The following ALPK2 variants were observed in gnomAD, a reference collection of about 807,000 sequenced individuals.
ALPK2 encodes alpha kinase 2.
Under a neutral mutation model 163.1 loss-of-function variants are expected in ALPK2, and 127 were observed. The ratio of observed to expected loss-of-function variants is 0.78; its 90% CI spans 0.67 to 0.90. ALPK2 has a LOEUF of 0.90. ALPK2 is among the 40% of genes least tolerant of loss of function. ALPK2 has a pLI of 0.00. For synonymous variants in ALPK2, 953 were observed against 959.1 expected, an observed-to-expected ratio of 0.99 and a Z score of 0.12; for missense variants, 2,360 against 2,589.6, an observed-to-expected ratio of 0.91 and a Z score of 1.92.
Position 58,602,709 on chromosome 18 carries a change from G to A in ALPK2, c.227+4613C>T, listed in dbSNP as rs1602236390. On this transcript the variant is annotated intron_variant, in intron 3 of 12. Coordinates refer to ENST00000361673, the MANE Select transcript of ALPK2 (RefSeq NM_052947.4). ...GGGTAAACTAAGGCTGAGACCTACTGGGCTGCATTCCCAGGAGGTTAGGCA... is the reference window on the plus strand; with the variant it reads ...GGGTAAACTAAGGCTGAGACCTACTAGGCTGCATTCCCAGGAGGTTAGGCA... 5.9e-5 allele frequency among the ~76,000 whole-genome samples: 9 copies of A among 152,312 alleles called. No homozygotes were observed. The South Asian group carries it at 1.9e-3, about 32-fold the overall frequency.
At chr18:58,521,211 C>T (rs1248776419) in intron 8 of ALPK2, among the ~76,000 whole-genome samples, 2 of 152,140 alleles carry the variant, frequency 1.3e-5, no homozygotes, top group African/African-American at 2.4e-5. Flanking sequence ...TGGGCTATAG[C>T]GGTGGTACCA....
chr18:58,515,140 C>A, intron 9 of ALPK2, 59 bp from the exon 10 acceptor site: 1 of 1,274,532 alleles, frequency 7.8e-7, no homozygotes, highest in South Asian at 1.3e-5. Context: ...GACAGTATTG[C>A]CCAGTAAGAC....
chr18:58,621,360 C>T (rs1381101348), intron 1 of ALPK2, among the ~76,000 whole-genome samples: 2 of 151,620 alleles, frequency 1.3e-5, no homozygotes, highest in African/African-American at 4.8e-5. Context: ...CTGCAAGCTC[C>T]GCCTCCCAGG....
chr18:58,524,438 A>T (rs1192714985), intron 6 of ALPK2, among the ~76,000 whole-genome samples: 1 of 152,160 alleles, frequency 6.6e-6, no homozygotes, highest in African/African-American at 2.4e-5. Flanking sequence ...ACTTATACAG[A>T]TACAATAAGG....
Position 58,579,336 on chromosome 18 carries a change from G to A in ALPK2, c.1440C>T (p.Ala480=), listed in dbSNP as rs2051941839. The stretch of plus-strand genomic sequence containing the variant: ...CATCCATGTTGAGCAGATTGTCACT[G>A]GCAAATTCCTCTCTTGCTTGGTGGC... ...RDSHQAREEF[A]SDNLLNMDES... Residue 480 remains alanine, a synonymous_variant, in exon 4 of 13, where the codon GCC becomes GCT. Transcript: ENST00000361673. 6.2e-7 allele frequency: 1 copy of A among 1,614,130 alleles called. No individual in the cohort carries two copies. Among genetic ancestry groups the A allele is most frequent in the African/African-American group, 1.3e-5 (1 of 75,022 alleles).
chr18:58,516,916 C>T lies in ALPK2; in HGVS notation c.5932G>A (p.Ala1978Thr), dbSNP rs146618330. ...TGGGCAGATGGACCCACCTGGGCAG[C>T]GAGTTTGTAGTTCCTTTGGATGAGC... ...DELIQRNYKL[A>T]AQECYVQNTA... The change falls in exon 9 of 13, where the codon GCT becomes ACT. Residue 1978 changes from alanine to threonine, a missense_variant. Transcript: ENST00000361673. 2.6e-4 allele frequency: 415 copies of T among 1,612,858 alleles called. No individual in the cohort carries two copies. Among genetic ancestry groups the T allele is most frequent in the East Asian group, 2.1e-3 (93 of 44,814 alleles).
At chr18:58,594,507 A>G (rs2052031638) in intron 3 of ALPK2, among the ~76,000 whole-genome samples, 1 of 152,188 alleles carries the variant, frequency 6.6e-6, no homozygotes, top group South Asian at 2.1e-4. Context: ...TGAAAGGCCC[A>G]TCATCTTGGG....
intron 4 of ALPK2, among the ~76,000 whole-genome samples, chr18:58,574,219 C>T (rs1352394005): frequency 3.3e-5 from 5 of 150,892 alleles, no homozygotes; most frequent in East Asian, 1.9e-4. Context: ...TGAGGCGGGG[C>T]GGATCACAAG....
chr18:58,621,148 G>A (rs1251689336), intron 1 of ALPK2, among the ~76,000 whole-genome samples: 5 of 145,248 alleles, frequency 3.4e-5, no homozygotes, highest in Non-Finnish European at 7.5e-5. Flanking sequence ...GCAAGGCCCT[G>A]TCTCAAAACA....
rs1165267444 is a variant in ALPK2 at position 58,591,801 on chromosome 18, AC to A, written c.228-11254del. Among the ~76,000 whole-genome samples the A allele has an allele frequency of 2.6e-5, 4 of 152,342 alleles. No individual in the cohort carries two copies. In the East Asian group the frequency reaches 7.7e-4, roughly 29 times the overall value. On this transcript the variant is annotated intron_variant, in intron 3 of 12. Transcript: ENST00000361673. Reference sequence around the variant, plus strand: ...AGTAACTGCGTTGTTCACTGTTTAAACAGGACACTTCAGAGAATGAAAAGGG... The same window carrying A: ...AGTAACTGCGTTGTTCACTGTTTAAAAGGACACTTCAGAGAATGAAAAGGG...
chr18:58,512,046 G>C (rs1164217985), intron 10 of ALPK2: 1 of 152,276 alleles, frequency 6.6e-6, no homozygotes, highest in East Asian at 1.9e-4. Flanking sequence ...CATTAGGACA[G>C]TGGACCTTTC....
intron 12 of ALPK2, 149 bp downstream of exon 12, chr18:58,497,900 G>A (rs1401898045): frequency 2.9e-6 from 2 of 686,204 alleles, no homozygotes; most frequent in Non-Finnish European, 5.1e-6. Flanking sequence ...TTTTATGTAA[G>A]TGAGAGAAAT....
At chr18:58,510,492 T>G (rs1019852468) in intron 10 of ALPK2, among the ~76,000 whole-genome samples, 17 of 152,330 alleles carry the variant, frequency 1.1e-4, no homozygotes, top group Admixed American at 3.3e-4. Context: ...GCCATTTTCA[T>G]GATATTGATT....
At chr18:58,530,798 G>A (rs2051609904) in intron 5 of ALPK2, among the ~76,000 whole-genome samples, 1 of 152,194 alleles carries the variant, frequency 6.6e-6, no homozygotes, top group Admixed American at 6.5e-5. Flanking sequence ...GACCTGGAGT[G>A]CAGCTAGTTT....
Position 58,536,108 on chromosome 18 carries a change from G to A in ALPK2, c.4079C>T (p.Ala1360Val). Residue 1360 changes from alanine (A) to valine (V), a missense_variant, in exon 5 of 13, where the codon GCT becomes GTT. Transcript: ENST00000361673. ...ATTTTCCTTCCCTCCAGTTTCAGAA[G>A]CCGCTGACAGTGAATCTGTGACAGA... ...ELSVTDSLSA[A>V]SETGGKENVN... The A allele has an allele frequency of 6.2e-7, 1 of 1,614,118 alleles. No individual in the cohort carries two copies. The highest frequency in any genetic ancestry group is 1.1e-5 in the South Asian group (1 of 91,078).
Position 58,610,669 on chromosome 18 carries a change from C to T in ALPK2, c.109+1020G>A, listed in dbSNP as rs192900627. Among the ~76,000 whole-genome samples, 107 of 152,296 alleles carry T rather than the reference C, an allele frequency of 7.0e-4. 1 individual carries two copies. In the South Asian group the frequency reaches 0.02, roughly 28 times the overall value. ...TTAAGATATCAATTAGGGCCAGGCG[C>T]GGTGGCTCACGCCTGTAATTCCAGC... On this transcript the variant is annotated intron_variant, in intron 2 of 12. Transcript: ENST00000361673.
intron 11 of ALPK2, among the ~76,000 whole-genome samples, chr18:58,501,759 A>C (rs1034735426): frequency 1.3e-5 from 2 of 152,174 alleles, no homozygotes; most frequent in African/African-American, 4.8e-5. Flanking sequence ...GGGGATCATA[A>C]TATCTATCTT....
At chr18:58,500,404 C>G (rs148255408) in intron 11 of ALPK2, among the ~76,000 whole-genome samples, 3 of 152,212 alleles carry the variant, frequency 2.0e-5, no homozygotes, top group Non-Finnish European at 4.4e-5. Flanking sequence ...CCCTTGTTTC[C>G]CACAATTACC....
chr18:58,516,498 A>C (rs1168409315), intron 9 of ALPK2, among the ~76,000 whole-genome samples: 2 of 152,132 alleles, frequency 1.3e-5, no homozygotes, highest in African/African-American at 2.4e-5. Context: ...TCCACAAAAC[A>C]AAACCAAACA....
Sources: gnomAD v4.1 joint callset for allele counts (sites outside exome capture counted in the v4.1 genomes callset) on GRCh38, gnomAD v4.1.1 for gene constraint, MANE v1.5 for transcripts, NCBI Gene and HGNC (gene_info 2026-07-23, HGNC 2026-07-21) for gene names.